PAX2: variants seen among roughly 807,000 people sequenced by gnomAD.
PAX2 encodes the protein paired box protein Pax-2.
PAX2 carries 9 observed loss-of-function variants against 41.7 expected under a neutral mutation model. The observed-to-expected ratio is 0.22, with a 90% confidence interval of 0.13 to 0.38. The LOEUF is 0.38. PAX2 is among the 10% of genes least tolerant of loss of function. The pLI, the probability that PAX2 is intolerant of heterozygous loss-of-function variation, is 1.00. For missense variants in PAX2, 418 were observed against 531.6 expected (o/e 0.79, Z 2.10); for synonymous variants, 221 against 212.7 (o/e 1.04, Z -0.34).
Position 100,824,505 on chromosome 10 carries a change from G to T in PAX2, c.920-143G>T. Reference sequence around the variant, plus strand: ...AGGCACACTCAGATGGCGCATTCAGGTGCACAGTGGCACACATACCCCTGC... The same window carrying T: ...AGGCACACTCAGATGGCGCATTCAGTTGCACAGTGGCACACATACCCCTGC... On this transcript the variant is annotated intron_variant, in intron 7 of 9. Transcript: ENST00000355243. This position sits in a 1 kb window ranked among gnomAD's most constrained non-coding sequence, Gnocchi z 6.6. 3 of 729,042 alleles carry T rather than the reference G, an allele frequency of 4.1e-6. No individual in the cohort carries two copies. The East Asian group carries it at 7.4e-5, about 18-fold the overall frequency. The allele number at this position is 729,042 out of a possible 1,614,324, so 45.2% of individuals were successfully genotyped here.
At chr10:100,801,850 G>T (rs1847576502) in intron 5 of PAX2, among the ~76,000 whole-genome samples, 1 of 152,242 alleles carries the variant, frequency 6.6e-6, no homozygotes. Flanking sequence ...GACAGACCTG[G>T]ATTCAAATCT....
At chr10:100,795,047 G>A (rs979219895) in intron 5 of PAX2, among the ~76,000 whole-genome samples, 7 of 152,118 alleles carry the variant, frequency 4.6e-5, no homozygotes, top group Non-Finnish European at 1.0e-4. Flanking sequence ...CCACCAATGG[G>A]GACCTCCTCC....
At chr10:100,774,804 CA>C (rs748158182) in intron 3 of PAX2, among the ~76,000 whole-genome samples, 1 of 152,186 alleles carries the variant, frequency 6.6e-6, no homozygotes, top group Non-Finnish European at 1.5e-5. Context: ...TCACAGGAAA[CA>C]AGTAACAAAG....
At chr10:100,783,450 A>C (rs1377346402) in intron 5 of PAX2, among the ~76,000 whole-genome samples, 1 of 152,154 alleles carries the variant, frequency 6.6e-6, no homozygotes, top group Non-Finnish European at 1.5e-5. Flanking sequence ...GGCCTGAGGG[A>C]TGAAGAGGAG....
Position 100,746,005 on chromosome 10 carries a change from T to G in PAX2, c.-256T>G. 3 of 1,374,798 alleles carry G rather than the reference T, an allele frequency of 2.2e-6. No homozygotes were observed. Among genetic ancestry groups the G allele is most frequent in the East Asian group, 3.0e-5 (1 of 33,548 alleles). 85.2% of individuals were successfully genotyped at this position (1,374,798 alleles called of 1,614,324 possible). A position where few individuals can be genotyped will look rare whatever the true frequency, so the allele number is the denominator to read the frequency against. ...GGCCCGGCCCACCGCCCCGGGGCCA[T>G]TCTGCTGACCGCCCAGCCCCGAGCC... is the stretch of plus-strand genomic sequence containing the variant. On this transcript the variant is annotated 5_prime_UTR_variant, in exon 1 of 10. Coordinates refer to ENST00000355243, the MANE Select transcript of PAX2 (RefSeq NM_000278.5).
intron 1 of PAX2, among the ~76,000 whole-genome samples, chr10:100,738,799 CAA>C (rs1844854098): frequency 6.6e-6 from 1 of 152,126 alleles, no homozygotes; most frequent in African/African-American, 2.4e-5. Context: ...GCTTGAGATG[CAA>C]GTCTCAAACC....
intron 5 of PAX2, among the ~76,000 whole-genome samples, chr10:100,805,722 G>A (rs1448501033): frequency 6.6e-6 from 1 of 152,184 alleles, no homozygotes; most frequent in African/African-American, 2.4e-5. Flanking sequence ...CTAGGTTGGA[G>A]ACAGAGGCCG....
At chr10:100,821,037 C>T (rs1483379513) in intron 7 of PAX2, among the ~76,000 whole-genome samples, 2 of 152,232 alleles carry the variant, frequency 1.3e-5, no homozygotes, top group African/African-American at 2.4e-5. Context: ...ATCTATAGTA[C>T]AGCAAGGCCC....
chr10:100,781,421 C>T, intron 5 of PAX2, 56 bp downstream of exon 5: 1 of 1,601,400 alleles, frequency 6.2e-7, no homozygotes, highest in Non-Finnish European at 8.6e-7. Flanking sequence ...CCTTGGACTC[C>T]AAGCTCCGGT....
chr10:100,775,492 A>C (rs980465726), intron 3 of PAX2, among the ~76,000 whole-genome samples: 1 of 152,168 alleles, frequency 6.6e-6, no homozygotes, highest in African/African-American at 2.4e-5. Flanking sequence ...AACTCACAGC[A>C]GGCACCCTGC....
At chr10:100,751,669 C>G (rs566195680) in intron 3 of PAX2, among the ~76,000 whole-genome samples, 21 of 152,324 alleles carry the variant, frequency 1.4e-4, no homozygotes, top group African/African-American at 4.8e-4. Context: ...CTCCAAACCC[C>G]TCCAGTGTGC....
intron 6 of PAX2, among the ~76,000 whole-genome samples, chr10:100,807,942 CAA>C (rs1219432305): frequency 6.6e-6 from 1 of 152,198 alleles, no homozygotes; most frequent in Non-Finnish European, 1.5e-5. Flanking sequence ...AAACAAAAAT[CAA>C]AAGTCTTTTT....
In PAX2 at chr10:100,777,398, C is replaced by CTTTTTTTTTTTTTTT. The variant is rs56136871; in HGVS notation, c.411-2086_411-2085insTTTTTTTTTTTTTTT. On this transcript the variant is annotated intron_variant, in intron 3 of 9. Coordinates refer to ENST00000355243, the MANE Select transcript of PAX2 (RefSeq NM_000278.5). ...ACAGGCATGAGCCACCGCATCTGGCCTTTTTTTTTTTTTTGAGATGGAGTC... is the reference window on the plus strand; with the variant it reads ...ACAGGCATGAGCCACCGCATCTGGCCTTTTTTTTTTTTTTTTTTTTTTTTTTTTTGAGATGGAGTC... Among the ~76,000 whole-genome samples, 40 of 121,944 alleles carry CTTTTTTTTTTTTTTT rather than the reference C, an allele frequency of 3.3e-4. 2 individuals carry two copies. The highest frequency in any genetic ancestry group is 4.6e-4 in the African/African-American group (15 of 32,484). 80.0% of individuals were successfully genotyped at this position (121,944 alleles called of 152,430 possible).
chr10:100,790,476 G>A (rs1847064820), intron 5 of PAX2, among the ~76,000 whole-genome samples: 1 of 152,160 alleles, frequency 6.6e-6, no homozygotes, highest in Non-Finnish European at 1.5e-5. Flanking sequence ...ACCCAGCAAG[G>A]GCACCAAGCA....
intron 5 of PAX2, among the ~76,000 whole-genome samples, chr10:100,792,130 G>A (rs955860313): frequency 2.6e-5 from 4 of 152,220 alleles, no homozygotes; most frequent in African/African-American, 4.8e-5. Flanking sequence ...AATAGAGACC[G>A]TATTTTTTTT....
At chr10:100,781,777 C>T (rs72843855) in intron 5 of PAX2, among the ~76,000 whole-genome samples, 638 of 152,300 alleles carry the variant, frequency 4.2e-3, no homozygotes, top group Middle Eastern at 0.01. Flanking sequence ...TGCAGCCTAG[C>T]CTGGTGTCCT....
intron 3 of PAX2, among the ~76,000 whole-genome samples, chr10:100,753,040 T>G (rs571562112): frequency 4.9e-4 from 74 of 152,244 alleles, no homozygotes; most frequent in African/African-American, 1.7e-3. Context: ...CCCTATCACC[T>G]GAGGGGCACA....
intron 3 of PAX2, among the ~76,000 whole-genome samples, chr10:100,751,816 T>A (rs1845454004): frequency 1.3e-5 from 2 of 152,178 alleles, no homozygotes; most frequent in Non-Finnish European, 2.9e-5. Flanking sequence ...ATCACAGAAC[T>A]GTACAAACTG....
chr10:100,750,650 C>A lies in PAX2; in HGVS notation c.213-44C>A. On this transcript the variant is annotated intron_variant, in intron 2 of 9. Transcript: ENST00000355243. This position sits in a 1 kb window ranked among gnomAD's most constrained non-coding sequence, Gnocchi z 4.1. ...TGGAACCTGCAGCCCCCCTGCCCCG[C>A]CACAGTCCGCTTCTGGCTGACCCCG... is the stretch of plus-strand genomic sequence containing the variant. 1 of 1,571,982 alleles carries A rather than the reference C, an allele frequency of 6.4e-7. No homozygotes were observed. The highest frequency in any genetic ancestry group is 8.7e-7 in the Non-Finnish European group (1 of 1,143,218).
Sources: gnomAD v4.1 joint callset for allele counts (sites outside exome capture counted in the v4.1 genomes callset) on GRCh38, gnomAD v4.1.1 for gene constraint, Gnocchi (gnomAD v3.1) non-coding constraint, MANE v1.5 for transcripts, NCBI Gene and HGNC (gene_info 2026-07-23, HGNC 2026-07-21) for gene names.